Variants in STAG3 observed in about 807,000 individuals in gnomAD.
STAG3 encodes the protein cohesin subunit SA-3.
In STAG3, 101 loss-of-function variants were observed where a neutral mutation model predicts 160.7. The observed-to-expected ratio is 0.63, with a 90% CI of 0.54 to 0.74. The LOEUF (loss-of-function observed/expected upper bound fraction) is 0.74, where lower values mean the gene tolerates loss of function less well. Ranked by LOEUF, STAG3 falls within the 30% of genes least tolerant of loss-of-function variation. The pLI, the probability that STAG3 is intolerant of heterozygous loss-of-function variation, is 0.00. For synonymous variants in STAG3, 519 were observed against 585.0 expected (o/e 0.89, Z 1.63); for missense variants, 1,188 against 1,517.4 (o/e 0.78, Z 3.61).
intron 27 of STAG3, 31 bp downstream of exon 27, chr7:100,204,806 G>T: frequency 6.2e-7 from 1 of 1,611,878 alleles, no homozygotes; most frequent in Admixed American, 1.7e-5. Flanking sequence ...GTTGTGTCCA[G>T]GGAGGGCTGG....
chr7:100,209,282 A>G (rs1446139889), intron 29 of STAG3, among the ~76,000 whole-genome samples: 1 of 152,182 alleles, frequency 6.6e-6, no homozygotes, highest in Non-Finnish European at 1.5e-5. Context: ...TTGGCCTCCC[A>G]GCGAATTTTT....
intron 2 of STAG3, among the ~76,000 whole-genome samples, chr7:100,181,168 G>A (rs750008776): frequency 6.6e-6 from 1 of 152,026 alleles, no homozygotes; most frequent in Admixed American, 6.6e-5. Context: ...TCTACTTGGG[G>A]ATTTTGTAAA....
chr7:100,190,778 T>G (rs1800300824), intron 8 of STAG3, among the ~76,000 whole-genome samples: 1 of 152,182 alleles, frequency 6.6e-6, no homozygotes, highest in Non-Finnish European at 1.5e-5. Flanking sequence ...AACTGAATCC[T>G]TTTTGCTACC....
At chr7:100,194,098 C>T (rs1377563747) in intron 8 of STAG3, among the ~76,000 whole-genome samples, 5 of 151,984 alleles carry the variant, frequency 3.3e-5, no homozygotes, top group Non-Finnish European at 7.4e-5. Context: ...TAGGTGCCCG[C>T]CACCGCACCC....
Position 100,178,762 on chromosome 7 carries a change from A to G in STAG3, c.-65+757A>G, listed in dbSNP as rs532813184. Among the ~76,000 whole-genome samples, 189 of 150,900 alleles carry G rather than the reference A, an allele frequency of 1.3e-3. 1 individual carries two copies. Among genetic ancestry groups the G allele is most frequent in the Non-Finnish European group, 2.3e-3 (153 of 67,754 alleles). ...GAGAGCAATTCCAAACCCACTGCCC[A>G]GTTTCTGGTGTCTGTAATCCCTTGG... On this transcript the variant is annotated intron_variant, in intron 1 of 33. Coordinates refer to ENST00000615138, the MANE Select transcript of STAG3 (RefSeq NM_001282717.2).
At position 100,204,639 on chromosome 7, in the gene STAG3, C is replaced by G. The variant is rs758362025; in HGVS notation, c.2815C>G (p.Leu939Val). 4 of 1,614,120 alleles carry G rather than the reference C, an allele frequency of 2.5e-6. No homozygotes were observed. The highest frequency in any genetic ancestry group is 3.4e-6 in the Non-Finnish European group (4 of 1,180,010). Residue 939 changes from leucine (L) to valine (V), a missense_variant, in exon 27 of 34, where the codon CTG becomes GTG. Physicochemically the swap from Leu to Val is conservative, Grantham distance 32. Coordinates refer to ENST00000615138, the MANE Select transcript of STAG3 (RefSeq NM_001282717.2). ...CTCCTGGACACAGCTGTACACAGAA[C>G]TGCTGCAGGAGCATGGGCCCCAGGG... is the stretch of plus-strand genomic sequence containing the variant. Reference protein sequence around the residue: ...LLSLKQLYTELLQEHGPQGLN... With the variant: ...LLSLKQLYTEVLQEHGPQGLN...
downstream of STAG3, chr7:100,218,794 A>G: frequency 4.1e-6 from 1 of 242,218 alleles, no homozygotes; most frequent in South Asian, 4.9e-5. Context: ...TGAGCTCTTT[A>G]GAGCCTTCCC....
Position 100,198,966 on chromosome 7 carries a change from C to T in STAG3, c.1467+9C>T. ...TCTTTGTGGAGAGCGAGGTGACATA[C>T]ACAGAGAGAAGTCTGGCTGTTGTGC... On this transcript the variant is annotated intron_variant, in intron 14 of 33. Coordinates refer to ENST00000615138, the MANE Select transcript of STAG3 (RefSeq NM_001282717.2). The T allele has an allele frequency of 6.2e-7, 1 of 1,610,748 alleles. No individual in the cohort carries two copies. The highest frequency in any genetic ancestry group is 8.5e-7 in the Non-Finnish European group (1 of 1,178,764).
rs761433742 is a variant in STAG3 at position 100,201,073 on chromosome 7, T to C, written c.2062-17T>C. On this transcript the variant is annotated splice_polypyrimidine_tract_variant and intron_variant, in intron 19 of 33. Transcript: ENST00000615138. ...GTTCTGGGGGAAATGCTATTGTGGA[T>C]CTTCTTTCCTTCTCAGTCGTCCTTC... 35 of 1,613,990 alleles carry C rather than the reference T, an allele frequency of 2.2e-5. No individual in the cohort carries two copies. The highest frequency in any genetic ancestry group is 3.3e-5 in the Admixed American group (2 of 60,004).
chr7:100,198,295 G>A, intron 12 of STAG3, 129 bp downstream of exon 12: 2 of 1,065,708 alleles, frequency 1.9e-6, no homozygotes, highest in Admixed American at 1.8e-5. Context: ...GTTGCAGTAT[G>A]TTGAGGGGGT....
At chr7:100,186,584 C>T in intron 5 of STAG3, among the ~76,000 whole-genome samples, 1 of 151,974 alleles carries the variant, frequency 6.6e-6, no homozygotes, top group East Asian at 1.9e-4. Context: ...TATGGTGGCT[C>T]ATGCCTGTAG....
rs747161694 is a variant in STAG3, at chr7:100,197,148, G to C, written c.942-8G>C. 6.3e-7 allele frequency: 1 copy of C among 1,597,890 alleles called. No homozygotes were observed. The highest frequency in any genetic ancestry group is 1.3e-5 in the African/African-American group (1 of 74,570). ...GCTCTAAGAGTCAACTTATCTGTCT[G>C]TGTCTAGGGATGTCCTTCCTGAGAT... On this transcript the variant is annotated splice_polypyrimidine_tract_variant and splice_region_variant and intron_variant, in intron 9 of 33. Transcript: ENST00000615138.
chr7:100,212,000 G>A, intron 32 of STAG3, 124 bp downstream of exon 32: 3 of 814,488 alleles, frequency 3.7e-6, no homozygotes, highest in Non-Finnish European at 5.8e-6. Context: ...TGAATCTAGA[G>A]TAAAGGAGGA....
At chr7:100,189,175 G>A (rs1800206265) in intron 7 of STAG3, among the ~76,000 whole-genome samples, 159 bp downstream of exon 7, 1 of 152,158 alleles carries the variant, frequency 6.6e-6, no homozygotes, top group Non-Finnish European at 1.5e-5. Context: ...CACTAGTGGA[G>A]TTTTGAGAAG....
In STAG3 at chr7:100,197,777, G is replaced by T; in HGVS notation, c.1066-1G>T. 1 of 1,613,172 alleles carries T rather than the reference G, an allele frequency of 6.2e-7. No homozygotes were observed. The highest frequency in any genetic ancestry group is 8.5e-7 in the Non-Finnish European group (1 of 1,179,316). ...TTCTCCTGGTTTTCCCTCCTCACCA[G>T]CACCGAGAAGTCCGCCTGAAGTGTG... On this transcript the variant is annotated splice_acceptor_variant, in intron 10 of 33. Transcript: ENST00000615138. LOFTEE classifies it high-confidence loss of function.
At chr7:100,189,419 C>A (rs1167880556) in intron 7 of STAG3, 26 bp from the exon 8 acceptor site, 2 of 1,603,002 alleles carry the variant, frequency 1.2e-6, no homozygotes, top group Non-Finnish European at 1.7e-6. Context: ...GTAATGATTT[C>A]TTTATCTCTT....
chr7:100,204,516 A>C, intron 26 of STAG3, 111 bp from the exon 27 acceptor site: 1 of 1,334,016 alleles, frequency 7.5e-7, no homozygotes, highest in Non-Finnish European at 1.0e-6. Flanking sequence ...TAAAAGTAGT[A>C]GATGGTGTCC....
Position 100,198,102 on chromosome 7 carries a change from A to T in STAG3, c.1180A>T (p.Met394Leu). Residue 394 changes from methionine (M) to leucine (L), a missense_variant, in exon 12 of 34, where the codon ATG becomes TTG. By Grantham distance (15) the Met-to-Leu change is conservative. This residue lies in a region of STAG3 where 240 missense variants were observed against 358.1 expected (regional missense o/e 0.67). Coordinates refer to ENST00000615138, the MANE Select transcript of STAG3 (RefSeq NM_001282717.2). Reference protein sequence around the residue: ...TSRFKDRMVSMVMDREYDVAV... With the variant: ...TSRFKDRMVSLVMDREYDVAV... ...CTTTCTGCAGGACCGGATGGTTTCC[A>T]TGGTCATGGACAGAGAGTATGATGT... The T allele has an allele frequency of 6.2e-7, 1 of 1,613,958 alleles. No individual in the cohort carries two copies. Among genetic ancestry groups the T allele is most frequent in the Non-Finnish European group, 8.5e-7 (1 of 1,179,860 alleles).
intron 1 of STAG3, among the ~76,000 whole-genome samples, chr7:100,179,442 C>T (rs954785083): frequency 2.6e-5 from 4 of 151,884 alleles, no homozygotes; most frequent in African/African-American, 9.7e-5. Flanking sequence ...CCAGATTGGT[C>T]TTGAACTACT....
Sources: gnomAD v4.1 joint callset for allele counts (sites outside exome capture counted in the v4.1 genomes callset) on GRCh38, gnomAD v4.1.1 for gene constraint, gnomAD v4.1.1 regional missense constraint, MANE v1.5 for transcripts, NCBI Gene and HGNC (gene_info 2026-07-23, HGNC 2026-07-21) for gene names.